The following ACOT12 variants were observed in gnomAD, a reference collection of about 807,000 sequenced individuals.
ACOT12 encodes acetyl-coenzyme A thioesterase.
ACOT12 carries 51 observed loss-of-function variants against 67.7 expected under a neutral mutation model. The observed-to-expected ratio is 0.75, with a 90% CI of 0.60 to 0.95. The LOEUF (loss-of-function observed/expected upper bound fraction) is 0.95. ACOT12 is among the 40% of genes least tolerant of loss of function. The pLI is 0.00. For missense variants in ACOT12, 734 were observed against 708.1 expected, an observed-to-expected ratio of 1.04 and a Z score of -0.41; for synonymous variants, 251 against 244.6, an observed-to-expected ratio of 1.03 and a Z score of -0.24.
intron 8 of ACOT12, among the ~76,000 whole-genome samples, chr5:81,344,593 G>A (rs1035798801): frequency 6.6e-6 from 1 of 152,200 alleles, no homozygotes; most frequent in African/African-American, 2.4e-5. Context: ...AGCATCAAGA[G>A]CTAGAGTTAA....
chr5:81,369,556 G>T (rs990476498), intron 3 of ACOT12, among the ~76,000 whole-genome samples: 6 of 152,204 alleles, frequency 3.9e-5, no homozygotes, highest in Non-Finnish European at 7.3e-5. Context: ...AGGCTGCCTG[G>T]TCATGATTTG....
chr5:81,311,488 C>T, the ACOT12 span, among the ~76,000 whole-genome samples: 5 of 152,050 alleles, frequency 3.3e-5, no homozygotes, highest in Admixed American at 1.3e-4. Context: ...ACCAGTAAGC[C>T]TTAGGGGACC....
chr5:81,359,975 C>T lies in ACOT12; in HGVS notation c.424G>A (p.Glu142Lys). ...QDHVEHNLAAERRKVRLQHED... is the reference protein window; with the variant it reads ...QDHVEHNLAAKRRKVRLQHED... ...TGTTGTAATCGAACTTTCCTTCTCT[C>T]AGCAGCCAGATTATGTTCCACATGA... Residue 142 changes from glutamate to lysine, a missense_variant, in exon 5 of 15, where the codon GAG (glutamate) becomes AAG (lysine). Transcript: ENST00000307624. 3.1e-6 allele frequency: 5 copies of T among 1,612,770 alleles called. No homozygotes were observed. The highest frequency in any genetic ancestry group is 4.2e-6 in the Non-Finnish European group (5 of 1,179,684).
chr5:81,331,232 C>A (rs1758812254), intron 13 of ACOT12, among the ~76,000 whole-genome samples: 1 of 152,172 alleles, frequency 6.6e-6, no homozygotes, highest in South Asian at 2.1e-4. Flanking sequence ...TTTCAGCCTC[C>A]TTTCCTTTTT....
intron 9 of ACOT12, 22 bp from the exon 10 acceptor site, chr5:81,343,903 T>C (rs1759286498): frequency 6.2e-7 from 1 of 1,603,416 alleles, no homozygotes; most frequent in African/African-American, 1.3e-5. Context: ...AATTAAAGTG[T>C]TAAATGACAG....
intron 1 of ACOT12, among the ~76,000 whole-genome samples, chr5:81,392,938 A>G (rs1203022640): frequency 6.6e-6 from 1 of 152,210 alleles, no homozygotes; most frequent in Non-Finnish European, 1.5e-5. Flanking sequence ...TTATAAGGAC[A>G]TTAATTGTAT....
At chr5:81,346,972 C>G (rs1163469283) in intron 6 of ACOT12, among the ~76,000 whole-genome samples, 1 of 152,062 alleles carries the variant, frequency 6.6e-6, no homozygotes, top group East Asian at 1.9e-4. Flanking sequence ...AATAAAATAA[C>G]CTTTTTGAAA....
At chr5:81,333,643 T>C (rs796694299) in intron 12 of ACOT12, among the ~76,000 whole-genome samples, 2 of 152,186 alleles carry the variant, frequency 1.3e-5, no homozygotes, top group Non-Finnish European at 2.9e-5. Context: ...AGTTTAGGCA[T>C]TGTTATTCCT....
At chr5:81,311,691 C>T in the ACOT12 span, among the ~76,000 whole-genome samples, 3 of 152,144 alleles carry the variant, frequency 2.0e-5, no homozygotes, top group Admixed American at 2.0e-4. Context: ...CTAAAAGATT[C>T]AGAGTTGATT....
chr5:81,312,564 C>G, the ACOT12 span: 3 of 1,613,426 alleles, frequency 1.9e-6, no homozygotes, highest in African/African-American at 4.0e-5. Flanking sequence ...CACAGTTGGT[C>G]GCTGGGCAAA....
chr5:81,378,565 G>A (rs1760487593), intron 2 of ACOT12, among the ~76,000 whole-genome samples: 1 of 151,992 alleles, frequency 6.6e-6, no homozygotes, highest in South Asian at 2.1e-4. Context: ...CAGAATGGGA[G>A]AAAATTTCTA....
At chr5:81,315,988 G>T in the ACOT12 span, among the ~76,000 whole-genome samples, 1 of 152,104 alleles carries the variant, frequency 6.6e-6, no homozygotes, top group Non-Finnish European at 1.5e-5. Context: ...GTGGATTCTT[G>T]TCTGTTCACT....
At chr5:81,321,424 TG>T in the ACOT12 span, among the ~76,000 whole-genome samples, 1 of 152,128 alleles carries the variant, frequency 6.6e-6, no homozygotes, top group Non-Finnish European at 1.5e-5. Flanking sequence ...AGTATCACCT[TG>T]GGGGTTAGGA....
chr5:81,381,154 C>T (rs570269301), intron 2 of ACOT12, among the ~76,000 whole-genome samples: 1 of 152,060 alleles, frequency 6.6e-6, no homozygotes, highest in Non-Finnish European at 1.5e-5. Flanking sequence ...GCAACCTCCG[C>T]CTCTCAGGTT....
chr5:81,345,798 G>A, intron 7 of ACOT12, 87 bp downstream of exon 7: 1 of 1,538,258 alleles, frequency 6.5e-7, no homozygotes, highest in Non-Finnish European at 8.9e-7. Context: ...CACTAAAGTA[G>A]TTCCCATACT....
At chr5:81,342,034 A>G (rs1265473445) in intron 11 of ACOT12, among the ~76,000 whole-genome samples, 5 of 152,162 alleles carry the variant, frequency 3.3e-5, no homozygotes, top group Non-Finnish European at 7.3e-5. Flanking sequence ...TCTATTGCCC[A>G]GACTGGAATG....
chr5:81,335,833 T>C lies in ACOT12; in HGVS notation c.1197A>G (p.Pro399=). ...SVWVEKHVGS[P]AHLAYRLLSD... is the part of the protein sequence containing the mutation. ...ACAAGAGACGATAAGCCAAATGTGC[T>C]GGACTTCCCACGTGCTTTTCAACCC... Residue 399 remains proline (P), a synonymous_variant, in exon 12 of 15, where the codon CCA becomes CCG. Transcript: ENST00000307624. 1.2e-6 allele frequency: 2 copies of C among 1,614,172 alleles called. No individual in the cohort carries two copies. Among genetic ancestry groups the C allele is most frequent in the South Asian group, 2.2e-5 (2 of 91,072 alleles).
At chr5:81,384,413 C>T (rs1281004870) in intron 2 of ACOT12, among the ~76,000 whole-genome samples, 2 of 152,080 alleles carry the variant, frequency 1.3e-5, no homozygotes, top group African/African-American at 4.8e-5. Context: ...GCTGGGATTA[C>T]AGGTGTGAGC....
At chr5:81,311,563 A>G in the ACOT12 span, among the ~76,000 whole-genome samples, 1 of 152,202 alleles carries the variant, frequency 6.6e-6, no homozygotes, top group East Asian at 1.9e-4. Context: ...TTAATATAAT[A>G]GAGCCAATTC....
Sources: allele counts gnomAD v4.1 joint callset (sites outside exome capture counted in the v4.1 genomes callset), GRCh38; gene constraint gnomAD v4.1.1; transcripts MANE v1.5; gene names NCBI Gene and HGNC (gene_info 2026-07-23, HGNC 2026-07-21).